Variants in RB1CC1 observed in about 807,000 individuals in gnomAD.
The protein encoded by RB1CC1 is RB1 inducible coiled-coil 1.
Under a neutral mutation model 177.5 loss-of-function variants are expected in RB1CC1, and 46 were observed. The observed-to-expected ratio is 0.26, with a 90% CI of 0.20 to 0.33. The LOEUF (loss-of-function observed/expected upper bound fraction) is 0.33. Among genes scored for constraint, RB1CC1 ranks in the 10% least tolerant of loss-of-function variants. RB1CC1 has a pLI of 1.00. For synonymous variants in RB1CC1, 666 were observed against 613.6 expected (o/e 1.09, Z -1.26); for missense variants, 1,703 against 1,816.3 (o/e 0.94, Z 1.13).
intron 22 of RB1CC1, among the ~76,000 whole-genome samples, chr8:52,627,674 G>GT (rs910794966): frequency 2.6e-4 from 39 of 151,858 alleles, no homozygotes; most frequent in South Asian, 2.1e-3. Context: ...ATTTAAGAAA[G>GT]TTTTTTTTGC....
intron 1 of RB1CC1, among the ~76,000 whole-genome samples, chr8:52,708,760 G>A (rs1321854967): frequency 6.6e-6 from 1 of 152,102 alleles, no homozygotes; most frequent in Non-Finnish European, 1.5e-5. Context: ...ATAAATGAAG[G>A]GGAGAAGAGA....
Position 52,656,230 on chromosome 8 carries a change from T to C in RB1CC1, c.3599A>G (p.Gln1200Arg), listed in dbSNP as rs1851070841. 1 of 1,613,260 alleles carries C rather than the reference T, an allele frequency of 6.2e-7. No individual in the cohort carries two copies. The highest frequency in any genetic ancestry group is 8.5e-7 in the Non-Finnish European group (1 of 1,179,812). The change falls in exon 15 of 24, where the codon CAA (glutamine) becomes CGA (arginine). Residue 1200 changes from glutamine to arginine, a missense_variant. This residue lies in a region of RB1CC1 where 1,169 missense variants were observed against 1,184.7 expected (regional missense o/e 0.99). Transcript: ENST00000025008. ...LERQKDEKIT[Q>R]QEEKYEAIIQ... ...AATAGCTTCGTATTTCTCTTCTTGT[T>C]GGGTAATTTTTTCATCTTTTTGTCT...
At chr8:52,710,803 T>A (rs1294060170) in intron 1 of RB1CC1, among the ~76,000 whole-genome samples, 1 of 152,160 alleles carries the variant, frequency 6.6e-6, no homozygotes, top group Non-Finnish European at 1.5e-5. Flanking sequence ...ACCAAGATTA[T>A]CTATAAACAT....
chr8:52,653,424 T>C (rs1362464038), intron 15 of RB1CC1, among the ~76,000 whole-genome samples: 2 of 152,120 alleles, frequency 1.3e-5, no homozygotes, highest in African/African-American at 4.8e-5. Context: ...AAATCTGTGG[T>C]AGTGGTTGTC....
intron 22 of RB1CC1, among the ~76,000 whole-genome samples, chr8:52,627,346 C>T (rs565604606): frequency 1.3e-5 from 2 of 151,842 alleles, no homozygotes; most frequent in South Asian, 2.1e-4. Context: ...GACTCCGTTT[C>T]GAAAAAAAAT....
intron 15 of RB1CC1, among the ~76,000 whole-genome samples, chr8:52,648,114 G>C (rs144616295): frequency 3.3e-5 from 5 of 152,054 alleles, no homozygotes; most frequent in South Asian, 2.1e-4. Flanking sequence ...AACAGATATA[G>C]ACACCCCTGA....
chr8:52,696,300 C>G (rs1056770881), intron 1 of RB1CC1, among the ~76,000 whole-genome samples: 10 of 151,904 alleles, frequency 6.6e-5, no homozygotes, highest in Non-Finnish European at 1.3e-4. Context: ...CCTCGGCCTC[C>G]CAAAGTGCTG....
chr8:52,655,102 T>C (rs1212870131), intron 15 of RB1CC1, among the ~76,000 whole-genome samples: 1 of 152,170 alleles, frequency 6.6e-6, no homozygotes, highest in Non-Finnish European at 1.5e-5. Context: ...CTTTTAAACA[T>C]ACATGCAAAC....
At position 52,675,641 on chromosome 8, in the gene RB1CC1, C is replaced by T. The variant is rs545027258; in HGVS notation, c.572+728G>A. Among the ~76,000 whole-genome samples the T allele has an allele frequency of 1.4e-3, 204 of 142,704 alleles. 1 individual carries two copies. Among genetic ancestry groups the T allele is most frequent in the African/African-American group, 4.0e-3 (153 of 38,492 alleles). The allele number at this position is 142,704 out of a possible 152,430, so 93.6% of individuals were successfully genotyped here. On this transcript the variant is annotated intron_variant, in intron 6 of 23. Coordinates refer to ENST00000025008, the MANE Select transcript of RB1CC1 (RefSeq NM_014781.5). ...ATCCCGGCACTTTGGAAGGCCAAGG[C>T]GGGTGGATCATGAGGTCAGGAGATC...
intron 8 of RB1CC1, among the ~76,000 whole-genome samples, chr8:52,666,506 G>A (rs1456294817): frequency 6.9e-6 from 1 of 143,904 alleles, no homozygotes. Context: ...CTACAAGAGC[G>A]AAACTTCCTC....
intron 6 of RB1CC1, among the ~76,000 whole-genome samples, 187 bp from the exon 7 acceptor site, chr8:52,674,461 G>A (rs769789569): frequency 4.6e-5 from 7 of 152,062 alleles, no homozygotes; most frequent in East Asian, 1.9e-4. Context: ...AGAGGCTATC[G>A]TTAACCCATT....
At chr8:52,654,500 CT>C (rs1850910818) in intron 15 of RB1CC1, among the ~76,000 whole-genome samples, 1 of 152,204 alleles carries the variant, frequency 6.6e-6, no homozygotes, top group Non-Finnish European at 1.5e-5. Flanking sequence ...TTGAGTCAGA[CT>C]GGTGCTTTGA....
chr8:52,623,578 C>T lies in RB1CC1; in HGVS notation c.*204G>A, dbSNP rs1224399558. 2 of 573,912 alleles carry T rather than the reference C, an allele frequency of 3.5e-6. No homozygotes were observed. Among genetic ancestry groups the T allele is most frequent in the African/African-American group, 1.9e-5 (1 of 52,188 alleles). 35.6% of individuals were successfully genotyped at this position (573,912 alleles called of 1,614,324 possible). A position where few individuals can be genotyped will look rare whatever the true frequency, so the allele number is the denominator to read the frequency against. ...AAAAAAAAAAACCAAAAAACAAAAA[C>T]CATTTTAATTCAGCCAAGGATTCTG... On this transcript the variant is annotated 3_prime_UTR_variant, in exon 24 of 24. Transcript: ENST00000025008.
chr8:52,662,377 A>C (rs1851707399), intron 8 of RB1CC1, among the ~76,000 whole-genome samples: 1 of 152,036 alleles, frequency 6.6e-6, no homozygotes, highest in African/African-American at 2.4e-5. Context: ...AGTAGGGATT[A>C]AGTTACTAAT....
At position 52,656,183 on chromosome 8, in the gene RB1CC1, T is replaced by C; in HGVS notation, c.3646A>G (p.Arg1216Gly). The stretch of plus-strand genomic sequence containing the variant: ...TCCTGGCTGCTGACCAATTTTTGTC[T>C]GTCTTTCTCAAGGTTCTGGATAATA... The part of the protein sequence containing the change: ...EAIIQNLEKD[R>G]QKLVSSQEQD... The change falls in exon 15 of 24, where the codon AGA becomes GGA. Residue 1216 changes from arginine to glycine, a missense_variant. By Grantham distance (125) the Arg-to-Gly change is moderately radical. Transcript: ENST00000025008. 6.2e-7 allele frequency: 1 copy of C among 1,613,846 alleles called. No homozygotes were observed. Among genetic ancestry groups the C allele is most frequent in the Non-Finnish European group, 8.5e-7 (1 of 1,179,864 alleles).
At chr8:52,661,329 A>C in intron 9 of RB1CC1, 48 bp from the exon 10 acceptor site, 1 of 1,590,786 alleles carries the variant, frequency 6.3e-7, no homozygotes, top group Non-Finnish European at 8.5e-7. Context: ...ACTGGTACTA[A>C]CTTAGTTACT....
chr8:52,714,077 G>A lies in RB1CC1; in HGVS notation c.-169C>T, dbSNP rs1256818079. The A allele has an allele frequency of 2.0e-5, 7 of 354,436 alleles. No homozygotes were observed. The highest frequency in any genetic ancestry group is 3.4e-5 in the Non-Finnish European group (6 of 176,700). 22.0% of individuals were successfully genotyped at this position (354,436 alleles called of 1,614,324 possible). A position where few individuals can be genotyped will look rare whatever the true frequency, so the allele number is the denominator to read the frequency against. On this transcript the variant is annotated splice_region_variant and 5_prime_UTR_variant, in exon 1 of 24. Coordinates refer to ENST00000025008, the MANE Select transcript of RB1CC1 (RefSeq NM_014781.5). ...ACGCGGGCGGCGGCGACACTTACCC[G>A]GCAACGCCTCCTCCTTCGCCGGCGG...
intron 20 of RB1CC1, among the ~76,000 whole-genome samples, chr8:52,630,845 T>G (rs1460227623): frequency 6.6e-6 from 1 of 152,184 alleles, no homozygotes; most frequent in African/African-American, 2.4e-5. Flanking sequence ...ATCTTTCATT[T>G]TGGAAAAACA....
intron 3 of RB1CC1, 64 bp downstream of exon 3, chr8:52,685,335 A>T (rs1057258546): frequency 8.1e-7 from 1 of 1,233,072 alleles, no homozygotes; most frequent in African/African-American, 1.5e-5. Context: ...CAGTAGAATA[A>T]TATTTCTTTA....
Sources: gnomAD v4.1 joint callset for allele counts (sites outside exome capture counted in the v4.1 genomes callset) on GRCh38, gnomAD v4.1.1 for gene constraint, gnomAD v4.1.1 regional missense constraint, MANE v1.5 for transcripts, NCBI Gene and HGNC (gene_info 2026-07-23, HGNC 2026-07-21) for gene names.